ENOX1: variants seen among roughly 807,000 people sequenced by gnomAD.
The protein encoded by ENOX1 is ecto-NOX disulfide-thiol exchanger 1, also known as candidate growth-related and time keeping constitutive hydroquinone (NADH) oxidase.
A neutral mutation model predicts 82.5 loss-of-function variants in ENOX1; 42 were observed. The observed-to-expected ratio is 0.51, with a 90% CI of 0.40 to 0.66. The LOEUF (loss-of-function observed/expected upper bound fraction) is 0.66. Among genes scored for constraint, ENOX1 ranks in the 30% least tolerant of loss-of-function variants. ENOX1 has a pLI of 0.00. For synonymous variants in ENOX1, 271 were observed against 282.2 expected, an observed-to-expected ratio of 0.96 and a Z score of 0.40; for missense variants, 608 against 811.6, an observed-to-expected ratio of 0.75 and a Z score of 3.05.
At chr13:43,726,890 C>G (rs993410498) in intron 1 of ENOX1, among the ~76,000 whole-genome samples, 1 of 151,974 alleles carries the variant, frequency 6.6e-6, no homozygotes, top group East Asian at 1.9e-4. Flanking sequence ...TACAGGCACA[C>G]GTCCCCACAC....
At chr13:43,636,512 G>A (rs2083421449) in intron 2 of ENOX1, among the ~76,000 whole-genome samples, 1 of 152,062 alleles carries the variant, frequency 6.6e-6, no homozygotes, top group Non-Finnish European at 1.5e-5. Context: ...AAAACTCTGT[G>A]GCCCACGAAC....
intron 2 of ENOX1, among the ~76,000 whole-genome samples, chr13:43,575,351 C>T (rs1334080442): frequency 6.6e-6 from 1 of 152,130 alleles, no homozygotes; most frequent in Non-Finnish European, 1.5e-5. Flanking sequence ...GAAAGTCGGC[C>T]AAAATGAGAC....
At chr13:43,444,180 C>T (rs979799580) in intron 3 of ENOX1, among the ~76,000 whole-genome samples, 9 of 152,184 alleles carry the variant, frequency 5.9e-5, no homozygotes, top group African/African-American at 2.2e-4. Context: ...TTTCAGTCTG[C>T]TTAAAACATA....
intron 5 of ENOX1, among the ~76,000 whole-genome samples, chr13:43,381,198 T>C (rs1157757029): frequency 6.6e-6 from 1 of 151,732 alleles, no homozygotes. Flanking sequence ...ACAAATCATA[T>C]AAAGTGTATT....
At chr13:43,545,397 C>T (rs1330513772) in intron 2 of ENOX1, 3 of 152,336 alleles carry the variant, frequency 2.0e-5, no homozygotes, top group East Asian at 1.9e-4. Flanking sequence ...AACTACCTCA[C>T]AAAAATCATC....
intron 9 of ENOX1, among the ~76,000 whole-genome samples, chr13:43,341,184 C>A (rs957361230): frequency 2.6e-5 from 4 of 151,950 alleles, no homozygotes; most frequent in South Asian, 2.1e-4. Context: ...GTAGTCCCAG[C>A]TACTCGGGAG....
intron 9 of ENOX1, among the ~76,000 whole-genome samples, chr13:43,334,869 A>G (rs2048612092): frequency 6.6e-6 from 1 of 152,154 alleles, no homozygotes; most frequent in South Asian, 2.1e-4. Context: ...AGCAGGGGAA[A>G]CTTACAGAAG....
At chr13:43,703,340 A>G (rs528663124) in intron 1 of ENOX1, among the ~76,000 whole-genome samples, 16 of 152,226 alleles carry the variant, frequency 1.1e-4, no homozygotes, top group African/African-American at 3.9e-4. Flanking sequence ...GTAGCCAACA[A>G]TCTAGATTTT....
At chr13:43,275,455 G>C (rs994774010) in intron 12 of ENOX1, among the ~76,000 whole-genome samples, 19 of 152,188 alleles carry the variant, frequency 1.2e-4, no homozygotes, top group Admixed American at 6.5e-4. Context: ...TGGCAGGATA[G>C]TGTGGGGTTA....
intron 2 of ENOX1, among the ~76,000 whole-genome samples, chr13:43,566,496 T>G (rs1035255513): frequency 2.6e-5 from 4 of 152,074 alleles, no homozygotes; most frequent in African/African-American, 9.7e-5. Flanking sequence ...TAAATATATT[T>G]TATTTCTGAG....
intron 3 of ENOX1, among the ~76,000 whole-genome samples, chr13:43,474,665 C>A (rs2153650763): frequency 6.6e-6 from 1 of 152,270 alleles, no homozygotes; most frequent in South Asian, 2.1e-4. Context: ...TCTCACTCTT[C>A]TTTATTCTAT....
intron 2 of ENOX1, among the ~76,000 whole-genome samples, chr13:43,592,757 G>C (rs1299336489): frequency 6.6e-6 from 1 of 152,158 alleles, no homozygotes; most frequent in East Asian, 1.9e-4. Flanking sequence ...ATATTTGCCA[G>C]ATTGCTATCC....
In ENOX1 at chr13:43,237,903, T is replaced by C. The variant is rs545578608; in HGVS notation, c.1612-1165A>G. ...TTGTAATCCAGGGGTAATTAGAAAT[T>C]GCCATGAAAGAAGGCTCTACTGAGA... is the stretch of plus-strand genomic sequence containing the variant. On this transcript the variant is annotated intron_variant, in intron 14 of 16. Coordinates refer to ENST00000690772, the MANE Select transcript of ENOX1 (RefSeq NM_001347969.2). Among the ~76,000 whole-genome samples, 4 of 152,302 alleles carry C rather than the reference T, an allele frequency of 2.6e-5. No homozygotes were observed. The East Asian group carries it at 7.7e-4, about 29-fold the overall frequency.
intron 2 of ENOX1, among the ~76,000 whole-genome samples, chr13:43,587,599 G>C (rs578158821): frequency 2.3e-4 from 35 of 152,210 alleles, no homozygotes; most frequent in African/African-American, 7.7e-4. Context: ...TAGTCTATCA[G>C]TATATTTTTT....
intron 1 of ENOX1, among the ~76,000 whole-genome samples, chr13:43,756,082 G>A (rs1373519089): frequency 6.6e-6 from 1 of 152,218 alleles, no homozygotes; most frequent in Non-Finnish European, 1.5e-5. Flanking sequence ...GTGGAAAAGA[G>A]TTGAGGCTGA....
intron 2 of ENOX1, among the ~76,000 whole-genome samples, chr13:43,542,147 T>A (rs1040301572): frequency 6.6e-6 from 1 of 152,190 alleles, no homozygotes; most frequent in Non-Finnish European, 1.5e-5. Context: ...TTCTTTTTTT[T>A]CTTTTTTTCC....
In ENOX1 at chr13:43,379,384, G is replaced by A. The variant is rs1214493064; in HGVS notation, c.209-17932C>T. Among the ~76,000 whole-genome samples the A allele has an allele frequency of 5.3e-5, 8 of 151,990 alleles. No individual in the cohort carries two copies. The East Asian group carries it at 5.8e-4, about 11-fold the overall frequency. On this transcript the variant is annotated intron_variant, in intron 5 of 16. Transcript: ENST00000690772. ...AAATAACACATAGATGACAGAATTC[G>A]TAGACAAAAATATTAAATATTCATA...
At chr13:43,756,338 G>A (rs1288610604) in intron 1 of ENOX1, among the ~76,000 whole-genome samples, 1 of 151,894 alleles carries the variant, frequency 6.6e-6, no homozygotes, top group Non-Finnish European at 1.5e-5. Flanking sequence ...GCTGAGGTGG[G>A]AGAATCACCT....
At chr13:43,232,227 C>T (rs549793931) in intron 15 of ENOX1, among the ~76,000 whole-genome samples, 11 of 151,978 alleles carry the variant, frequency 7.2e-5, no homozygotes, top group African/African-American at 2.7e-4. Context: ...AGCCACCACA[C>T]CTGTGTGTGG....
Sources: allele counts gnomAD v4.1 joint callset (sites outside exome capture counted in the v4.1 genomes callset), GRCh38; gene constraint gnomAD v4.1.1; transcripts MANE v1.5; gene names NCBI Gene and HGNC (gene_info 2026-07-23, HGNC 2026-07-21).